The following SAG variants were observed in gnomAD, a reference collection of about 807,000 sequenced individuals.
SAG encodes the protein S-arrestin.
In SAG, 45 loss-of-function variants were observed where a neutral mutation model predicts 55.0. That is an observed-to-expected ratio of 0.82 (90% CI 0.64 to 1.05). The LOEUF is 1.05. SAG is among the 50% of genes least tolerant of loss of function. The pLI is 0.00. For missense variants in SAG, 455 were observed against 512.1 expected, an observed-to-expected ratio of 0.89 and a Z score of 1.08; for synonymous variants, 189 against 197.4, an observed-to-expected ratio of 0.96 and a Z score of 0.36.
At chr2:233,309,321 C>A (rs745429459) in intron 2 of SAG, 57 bp downstream of exon 2, 3 of 1,468,710 alleles carry the variant, frequency 2.0e-6, no homozygotes, top group Non-Finnish European at 2.8e-6. Flanking sequence ...AAAAATGGAG[C>A]TTTTTCAAGT....
At chr2:233,335,745 T>C (rs1357353654) in intron 11 of SAG, among the ~76,000 whole-genome samples, 1 of 152,246 alleles carries the variant, frequency 6.6e-6, no homozygotes, top group Non-Finnish European at 1.5e-5. Context: ...GCGAAGACTA[T>C]ACAGTGAAGT....
chr2:233,314,586 C>T (rs1046516188), intron 2 of SAG, among the ~76,000 whole-genome samples: 4 of 152,228 alleles, frequency 2.6e-5, no homozygotes, highest in African/African-American at 7.2e-5. Flanking sequence ...CAGCAGGTAG[C>T]AGTGTGTGTC....
In SAG at chr2:233,319,774, T is replaced by A. The variant is rs1417432836; in HGVS notation, c.182-856T>A. ...TGCACAGGACAGCTGTCAAACCACGTGGTCTCTGGGCACCTTCTTAGTCCT... is the reference window on the plus strand; with the variant it reads ...TGCACAGGACAGCTGTCAAACCACGAGGTCTCTGGGCACCTTCTTAGTCCT... On this transcript the variant is annotated intron_variant, in intron 4 of 15. Coordinates refer to ENST00000409110, the MANE Select transcript of SAG (RefSeq NM_000541.5). This position sits in a 1 kb window ranked among gnomAD's most constrained non-coding sequence, Gnocchi z 4.4. 11 of 985,462 alleles carry A rather than the reference T, an allele frequency of 1.1e-5. No individual in the cohort carries two copies. Among genetic ancestry groups the A allele is most frequent in the Non-Finnish European group, 1.3e-5 (11 of 829,954 alleles). The allele number at this position is 985,462 out of a possible 1,614,324, so 61.0% of individuals were successfully genotyped here.
intron 5 of SAG, among the ~76,000 whole-genome samples, chr2:233,322,034 CACAT>C (rs879707917): frequency 5.8e-5 from 7 of 120,588 alleles, no homozygotes; most frequent in East Asian, 2.4e-4. Flanking sequence ...CACACACACA[CACAT>C]TAGTCAGGCG....
intron 2 of SAG, among the ~76,000 whole-genome samples, chr2:233,313,570 C>A (rs956564507): frequency 6.6e-6 from 1 of 151,156 alleles, no homozygotes; most frequent in African/African-American, 2.4e-5. Flanking sequence ...GATCTCTTTA[C>A]CCCCTTTGTG....
intron 2 of SAG, among the ~76,000 whole-genome samples, chr2:233,314,216 TG>T (rs1217228819): frequency 1.4e-5 from 2 of 139,794 alleles, no homozygotes; most frequent in Non-Finnish European, 3.0e-5. Flanking sequence ...AATGAGACCT[TG>T]TCTCAAAAAA....
intron 11 of SAG, among the ~76,000 whole-genome samples, chr2:233,335,722 G>C (rs1700904569): frequency 6.6e-6 from 1 of 152,204 alleles, no homozygotes; most frequent in South Asian, 2.1e-4. Context: ...GCTGAATTTG[G>C]GCAGCAGATC....
chr2:233,336,178 C>T (rs1326755037), intron 11 of SAG, among the ~76,000 whole-genome samples: 3 of 152,168 alleles, frequency 2.0e-5, no homozygotes, highest in Non-Finnish European at 4.4e-5. Context: ...GATGGCTCAC[C>T]ACACTGTGGG....
chr2:233,329,709 T>A, intron 9 of SAG, 132 bp downstream of exon 9: 1 of 655,076 alleles, frequency 1.5e-6, no homozygotes, highest in Non-Finnish European at 2.7e-6. Flanking sequence ...TCTGCTGTCA[T>A]AGGCAGCAGG....
At chr2:233,324,362 G>A (rs890929909) in intron 6 of SAG, among the ~76,000 whole-genome samples, 3 of 152,116 alleles carry the variant, frequency 2.0e-5, no homozygotes, top group Admixed American at 6.5e-5. Context: ...ACTGCACTGC[G>A]CTCTAGCCTG....
chr2:233,321,569 G>A (rs953065741), intron 5 of SAG, among the ~76,000 whole-genome samples: 3 of 152,250 alleles, frequency 2.0e-5, no homozygotes, highest in Admixed American at 2.0e-4. Context: ...GATTCATACA[G>A]ACAGAGACAG....
intron 15 of SAG, 49 bp downstream of exon 15, chr2:233,346,461 C>A: frequency 6.3e-7 from 1 of 1,595,618 alleles, no homozygotes; most frequent in Non-Finnish European, 8.6e-7. Context: ...TGCTCTGGGA[C>A]CTTCTCCTCC....
intron 11 of SAG, among the ~76,000 whole-genome samples, chr2:233,337,070 T>G (rs1346016270): frequency 6.7e-6 from 1 of 149,728 alleles, no homozygotes; most frequent in Non-Finnish European, 1.5e-5. Context: ...CATTCCAGCC[T>G]AGGTGATAAA....
intron 9 of SAG, among the ~76,000 whole-genome samples, chr2:233,330,478 TTCCTTC>T (rs2125339117): frequency 4.7e-5 from 1 of 21,338 alleles, no homozygotes; most frequent in African/African-American, 2.0e-4. Flanking sequence ...CCTCCCTCCC[TTCCTTC>T]CTTCCTTCCT....
At chr2:233,310,268 A>G (rs1700043333) in intron 2 of SAG, among the ~76,000 whole-genome samples, 1 of 152,252 alleles carries the variant, frequency 6.6e-6, no homozygotes, top group Middle Eastern at 3.2e-3. Flanking sequence ...TAGTAGCCAC[A>G]TTTAAAAAGT....
At chr2:233,308,190 T>G (rs964410802) in intron 1 of SAG, among the ~76,000 whole-genome samples, 168 bp downstream of exon 1, 1 of 152,232 alleles carries the variant, frequency 6.6e-6, no homozygotes, top group Admixed American at 6.5e-5. Flanking sequence ...GCGGGTGCAA[T>G]GGCTCATGCC....
chr2:233,346,768 G>A (rs1160564420), intron 15 of SAG, 39 bp from the exon 16 acceptor site: 1 of 1,290,674 alleles, frequency 7.7e-7, no homozygotes, highest in South Asian at 1.2e-5. Context: ...CAGCTTCAAA[G>A]GGCGTGCAAT....
chr2:233,321,986 TACACACACACAC>T (rs57822347), intron 5 of SAG, among the ~76,000 whole-genome samples: 1,755 of 133,302 alleles, frequency 0.013, 16 homozygotes, highest in Middle Eastern at 0.025. Context: ...CTACTAAAAA[TACACACACACAC>T]ACACACACAC....
At chr2:233,344,656 TAGATATG>T (rs1321319852) in intron 14 of SAG, 6 of 152,156 alleles carry the variant, frequency 3.9e-5, no homozygotes, top group African/African-American at 7.2e-5. Flanking sequence ...AGATATGAGA[TAGATATG>T]AGATAGATGA....
Sources: gnomAD v4.1 joint callset for allele counts (sites outside exome capture counted in the v4.1 genomes callset) on GRCh38, gnomAD v4.1.1 for gene constraint, Gnocchi (gnomAD v3.1) non-coding constraint, MANE v1.5 for transcripts, NCBI Gene and HGNC (gene_info 2026-07-23, HGNC 2026-07-21) for gene names.